Variants in FAT3 observed in about 807,000 individuals in gnomAD.
FAT3 encodes protocadherin Fat 3.
In FAT3, 95 loss-of-function variants were observed where a neutral mutation model predicts 310.2. That is an observed-to-expected ratio of 0.31 (90% CI 0.26 to 0.36). The LOEUF is 0.36. FAT3 is among the 10% of genes least tolerant of loss of function. The probability of loss-of-function intolerance (pLI) is 1.00; values close to 1 mark genes in which losing one functional copy is unlikely to be tolerated. For synonymous variants in FAT3, 2,314 were observed against 2,192.9 expected, an observed-to-expected ratio of 1.06 and a Z score of -1.54; for missense variants, 5,408 against 5,715.6, an observed-to-expected ratio of 0.95 and a Z score of 1.74.
chr11:92,344,716 A>G (rs1467122636), intron 1 of FAT3, among the ~76,000 whole-genome samples: 1 of 152,196 alleles, frequency 6.6e-6, no homozygotes, highest in African/African-American at 2.4e-5. Flanking sequence ...AGTTACAGCC[A>G]CAGTGTGTGA....
At chr11:92,245,546 G>A (rs1187164) in intron 1 of FAT3, among the ~76,000 whole-genome samples, 49,209 of 151,918 alleles carry the variant, frequency 0.32, 8,263 homozygotes, top group South Asian at 0.49. Context: ...GCTGCTCTGG[G>A]ACCACCCTTT....
chr11:92,508,778 A>T (rs1256938946), intron 2 of FAT3, among the ~76,000 whole-genome samples: 1 of 152,150 alleles, frequency 6.6e-6, no homozygotes, highest in Non-Finnish European at 1.5e-5. Flanking sequence ...GAGACTCCAG[A>T]TACTCTTTGT....
chr11:92,503,957 A>G (rs1357704508), intron 2 of FAT3, among the ~76,000 whole-genome samples: 1 of 152,080 alleles, frequency 6.6e-6, no homozygotes, highest in Non-Finnish European at 1.5e-5. Flanking sequence ...GGTGAAGGAG[A>G]GGCACATTTT....
At position 92,883,105 on chromosome 11, in the gene FAT3, G is replaced by GTC. The variant is rs1240815183; in HGVS notation, c.12649_12650insTC (p.Asp4217ValfsTer48). ...GTTCCGGAACCTGCGCGGCAGTGGG[G>GTC]ACGGCCGCAACGTCTACCAGGAGGT... On this transcript the variant is annotated frameshift_variant, in exon 24 of 28. Transcript: ENST00000525166. LOFTEE classifies it high-confidence loss of function. This position sits in a 1 kb window ranked among gnomAD's most constrained non-coding sequence, Gnocchi z 4.2. 6.2e-7 allele frequency: 1 copy of GTC among 1,613,832 alleles called. No homozygotes were observed. Among genetic ancestry groups the GTC allele is most frequent in the Non-Finnish European group, 8.5e-7 (1 of 1,179,900 alleles).
intron 3 of FAT3, among the ~76,000 whole-genome samples, chr11:92,644,393 C>G (rs1412389834): frequency 3.9e-5 from 6 of 152,146 alleles, no homozygotes; most frequent in African/African-American, 1.4e-4. Context: ...CTGAATATTC[C>G]TGACTTCCTC....
chr11:92,415,593 C>T (rs1041426456), intron 2 of FAT3, among the ~76,000 whole-genome samples: 1 of 152,088 alleles, frequency 6.6e-6, no homozygotes, highest in Non-Finnish European at 1.5e-5. Context: ...TTTAAGAAGA[C>T]ACTAGATTGC....
rs896904639 is a variant in FAT3 at position 92,255,479 on chromosome 11, T to C, written c.-18+30305T>C. 3.9e-5 allele frequency among the ~76,000 whole-genome samples: 6 copies of C among 152,024 alleles called. 1 individual carries two copies. The highest frequency in any genetic ancestry group is 1.4e-4 in the African/African-American group (6 of 41,400). Reference sequence around the variant, plus strand: ...TATGGACTCACTACATAAAAGCATATTAAATATATGAATGACTGATTGAAT... The same window carrying C: ...TATGGACTCACTACATAAAAGCATACTAAATATATGAATGACTGATTGAAT... On this transcript the variant is annotated intron_variant, in intron 1 of 27. Coordinates refer to ENST00000525166, the MANE Select transcript of FAT3 (RefSeq NM_001367949.2).
At position 92,556,402 on chromosome 11, in the gene FAT3, A is replaced by G. The variant is rs115460171; in HGVS notation, c.3607+31454A>G. Among the ~76,000 whole-genome samples the G allele has an allele frequency of 7.9e-3, 1,204 of 151,828 alleles. 14 individuals carry two copies. The highest frequency in any genetic ancestry group is 0.028 in the African/African-American group (1,141 of 41,374). On this transcript the variant is annotated intron_variant, in intron 3 of 27. Transcript: ENST00000525166. Reference sequence around the variant, plus strand: ...TACAATGCCTCCATGGGTCATTTCCATCTAAGTCATTTCTATTCTTCAGCC... The same window carrying G: ...TACAATGCCTCCATGGGTCATTTCCGTCTAAGTCATTTCTATTCTTCAGCC...
intron 4 of FAT3, among the ~76,000 whole-genome samples, chr11:92,734,851 G>A (rs1395882098): frequency 6.6e-6 from 1 of 152,076 alleles, no homozygotes; most frequent in African/African-American, 2.4e-5. Flanking sequence ...AATGATCCCT[G>A]AGCCTGCAAA....
At chr11:92,538,819 CT>C (rs1300099353) in intron 3 of FAT3, among the ~76,000 whole-genome samples, 3 of 152,092 alleles carry the variant, frequency 2.0e-5, no homozygotes, top group Non-Finnish European at 2.9e-5. Context: ...CTTATGGGAC[CT>C]TTTTTTCTGG....
At chr11:92,357,177 C>T (rs2134656390) in intron 2 of FAT3, among the ~76,000 whole-genome samples, 1 of 152,252 alleles carries the variant, frequency 6.6e-6, no homozygotes, top group Admixed American at 6.5e-5. Context: ...ACAATGAGTT[C>T]ATCGAGTACT....
chr11:92,534,167 T>C (rs1275257094), intron 3 of FAT3, among the ~76,000 whole-genome samples: 5 of 152,060 alleles, frequency 3.3e-5, no homozygotes, highest in African/African-American at 9.7e-5. Flanking sequence ...CTATCAAGTA[T>C]GAAGGGATGG....
chr11:92,781,825 CTT>C (rs1946762743), intron 7 of FAT3, among the ~76,000 whole-genome samples: 1 of 151,682 alleles, frequency 6.6e-6, no homozygotes, highest in Non-Finnish European at 1.5e-5. Flanking sequence ...CACATACAGA[CTT>C]TATTAATGTT....
chr11:92,648,392 C>T (rs1211724758), intron 3 of FAT3, among the ~76,000 whole-genome samples: 1 of 152,180 alleles, frequency 6.6e-6, no homozygotes, highest in African/African-American at 2.4e-5. Flanking sequence ...GTGCAGGCCC[C>T]TCCAGGACTA....
At chr11:92,462,955 CCTT>C (rs1395045352) in intron 2 of FAT3, among the ~76,000 whole-genome samples, 1 of 152,208 alleles carries the variant, frequency 6.6e-6, no homozygotes, top group African/African-American at 2.4e-5. Context: ...TTTATCCTCT[CCTT>C]CTGCAAACAC....
chr11:92,233,508 A>T (rs544823561), intron 1 of FAT3, among the ~76,000 whole-genome samples: 239 of 152,316 alleles, frequency 1.6e-3, no homozygotes, highest in African/African-American at 5.3e-3. Flanking sequence ...TATTAAATAA[A>T]TGTGGTGTCT....
chr11:92,682,620 G>A (rs1181012684), intron 3 of FAT3, among the ~76,000 whole-genome samples: 1 of 152,166 alleles, frequency 6.6e-6, no homozygotes, highest in Non-Finnish European at 1.5e-5. Flanking sequence ...TGAAACTAGG[G>A]TGATCAACCA....
chr11:92,723,276 A>G, intron 4 of FAT3, among the ~76,000 whole-genome samples: 1 of 152,322 alleles, frequency 6.6e-6, no homozygotes, highest in African/African-American at 2.4e-5. Context: ...TCTTTAGGGC[A>G]GGGGCAAAAT....
At chr11:92,811,806 CA>C (rs1440022185) in intron 13 of FAT3, among the ~76,000 whole-genome samples, 1 of 152,152 alleles carries the variant, frequency 6.6e-6, no homozygotes, top group African/African-American at 2.4e-5. Flanking sequence ...CTCACCAGGC[CA>C]TTGCATCAGC....
Sources: allele counts gnomAD v4.1 joint callset (sites outside exome capture counted in the v4.1 genomes callset), GRCh38; gene constraint gnomAD v4.1.1; non-coding constraint Gnocchi (gnomAD v3.1); transcripts MANE v1.5; gene names NCBI Gene and HGNC (gene_info 2026-07-23, HGNC 2026-07-21).